Variants in NIPAL2 observed in about 807,000 individuals in gnomAD.
NIPAL2 encodes NIPA-like protein 2.
NIPAL2 carries 43 observed loss-of-function variants against 48.9 expected under a neutral mutation model. The observed-to-expected ratio is 0.88, with a 90% CI of 0.69 to 1.13. The LOEUF (loss-of-function observed/expected upper bound fraction) is 1.13. NIPAL2 is among the 50% of genes most tolerant of loss of function. The probability of loss-of-function intolerance (pLI) is 0.00; values close to 1 mark genes in which losing one functional copy is unlikely to be tolerated. For missense variants in NIPAL2, 446 were observed against 461.4 expected (o/e 0.97, Z 0.31); for synonymous variants, 167 against 174.6 (o/e 0.96, Z 0.34).
At chr8:98,214,313 G>A (rs1252632745) in intron 5 of NIPAL2, among the ~76,000 whole-genome samples, 2 of 151,922 alleles carry the variant, frequency 1.3e-5, no homozygotes, top group African/African-American at 2.4e-5. Context: ...ATGGGTGCCC[G>A]CCACCACGCC....
intron 6 of NIPAL2, among the ~76,000 whole-genome samples, chr8:98,209,445 C>CAAAAAAAAAAAAAA (rs33923448): frequency 7.1e-5 from 5 of 70,504 alleles, no homozygotes; most frequent in African/African-American, 3.1e-4. Context: ...CCTGTCTCTC[C>CAAAAAAAAAAAAAA]AAAAAAAAAA....
At chr8:98,194,680 T>G in intron 10 of NIPAL2, 48 bp downstream of exon 10, 1 of 1,014,622 alleles carries the variant, frequency 9.9e-7, no homozygotes. Flanking sequence ...CAATAACTAT[T>G]CATTTATAAG....
chr8:98,243,685 G>A (rs1197015564), intron 3 of NIPAL2, among the ~76,000 whole-genome samples: 4 of 152,158 alleles, frequency 2.6e-5, no homozygotes, highest in African/African-American at 9.7e-5. Flanking sequence ...CTTGGTTTGA[G>A]GTTCTTCTGT....
rs551349891 is a variant in NIPAL2 at position 98,221,259 on chromosome 8, A to G, written c.558+1220T>C. 2.1e-3 allele frequency among the ~76,000 whole-genome samples: 312 copies of G among 151,798 alleles called. 2 individuals are homozygous for G. Among genetic ancestry groups the G allele is most frequent in the African/African-American group, 4.5e-3 (188 of 41,470 alleles). On this transcript the variant is annotated intron_variant, in intron 5 of 10. Coordinates refer to ENST00000430223, the MANE Select transcript of NIPAL2 (RefSeq NM_001321635.2). ...CCAAAGTGCTGGGATTACGGGCGTG[A>G]GCCACCGTGCCCAGCCTCATTTCAT...
In NIPAL2 at chr8:98,259,069, C is replaced by CTTTTTT. The variant is rs1563531576; in HGVS notation, c.136-4983_136-4982insAAAAAA. On this transcript the variant is annotated intron_variant, in intron 1 of 10. Transcript: ENST00000430223. ...TTATGCTGCTGTTCCTTTAAATATT[C>CTTTTTT]CTTTTTTTTTTTTTTTTTTTTTTTT... 9.4e-3 allele frequency among the ~76,000 whole-genome samples: 834 copies of CTTTTTT among 89,170 alleles called. 47 individuals carry two copies. The highest frequency in any genetic ancestry group is 0.011 in the African/African-American group (232 of 21,748). 58.5% of individuals were successfully genotyped at this position (89,170 alleles called of 152,430 possible).
rs901993680 is a variant in NIPAL2, at chr8:98,246,785, G to C, written c.376+5678C>G. ...AGGCATAGAACTGAAAAATGTCACC[G>C]GTGCTTCCATCACATTCTATTTCTC... On this transcript the variant is annotated intron_variant, in intron 3 of 10. Coordinates refer to ENST00000430223, the MANE Select transcript of NIPAL2 (RefSeq NM_001321635.2). Among the ~76,000 whole-genome samples, 9 of 152,026 alleles carry C rather than the reference G, an allele frequency of 5.9e-5. No homozygotes were observed. The East Asian group carries it at 1.7e-3, about 29-fold the overall frequency.
intron 9 of NIPAL2, among the ~76,000 whole-genome samples, chr8:98,195,394 A>C (rs1810494047): frequency 1.3e-5 from 2 of 152,088 alleles, no homozygotes; most frequent in African/African-American, 2.4e-5. Flanking sequence ...GGAAGCTCCT[A>C]TACACTGGTG....
At chr8:98,228,863 C>T (rs906181220) in intron 4 of NIPAL2, among the ~76,000 whole-genome samples, 9 of 152,142 alleles carry the variant, frequency 5.9e-5, no homozygotes, top group Non-Finnish European at 1.2e-4. Context: ...TTTCTCAATG[C>T]CTAGCAAAGA....
At chr8:98,265,808 T>C (rs1814686399) in intron 1 of NIPAL2, among the ~76,000 whole-genome samples, 1 of 145,836 alleles carries the variant, frequency 6.9e-6, no homozygotes, top group African/African-American at 2.6e-5. Flanking sequence ...CTATAAATCA[T>C]GCTGCTATAA....
In NIPAL2 at chr8:98,252,412, C is replaced by T. The variant is rs774303395; in HGVS notation, c.376+51G>A. ...GTTGTTTCAGTTGTGTGTTTTTCTCCGATTATTCTGCTCTTTAAGTTTCTA... is the reference window on the plus strand; with the variant it reads ...GTTGTTTCAGTTGTGTGTTTTTCTCTGATTATTCTGCTCTTTAAGTTTCTA... On this transcript the variant is annotated intron_variant, in intron 3 of 10. Coordinates refer to ENST00000430223, the MANE Select transcript of NIPAL2 (RefSeq NM_001321635.2). 14 of 1,459,942 alleles carry T rather than the reference C, an allele frequency of 9.6e-6. No individual in the cohort carries two copies. In the South Asian group the frequency reaches 1.1e-4, roughly 11 times the overall value. 90.4% of individuals were successfully genotyped at this position (1,459,942 alleles called of 1,614,324 possible).
chr8:98,244,566 G>A (rs1302816400), intron 3 of NIPAL2, among the ~76,000 whole-genome samples: 1 of 73,086 alleles, frequency 1.4e-5, no homozygotes, highest in Non-Finnish European at 3.7e-5. Flanking sequence ...TGTGATAAGG[G>A]GGGTGCGCTG....
intron 10 of NIPAL2, chr8:98,193,417 T>C: frequency 6.2e-7 from 1 of 1,613,964 alleles, no homozygotes; most frequent in Non-Finnish European, 8.5e-7. Context: ...TTGTGTCTTC[T>C]TTTCCACGTC....
At chr8:98,220,247 C>T (rs1172607105) in intron 5 of NIPAL2, among the ~76,000 whole-genome samples, 1 of 152,064 alleles carries the variant, frequency 6.6e-6, no homozygotes, top group African/African-American at 2.4e-5. Context: ...AGCAAAATTT[C>T]CTCAGTAGAC....
At chr8:98,233,085 C>T (rs1812522392) in intron 4 of NIPAL2, among the ~76,000 whole-genome samples, 1 of 152,042 alleles carries the variant, frequency 6.6e-6, no homozygotes, top group Non-Finnish European at 1.5e-5. Context: ...TGGTGAAGCC[C>T]TGTCTCTACT....
In NIPAL2 at chr8:98,290,845, T is replaced by G. The variant is rs137958200; in HGVS notation, c.135+3158A>C. On this transcript the variant is annotated intron_variant, in intron 1 of 10. Transcript: ENST00000430223. ...GCTTTAAACATGAGATCCAGCTCAGTGATCATGCGGGGGAAAAGGCCCGGC... is the reference window on the plus strand; with the variant it reads ...GCTTTAAACATGAGATCCAGCTCAGGGATCATGCGGGGGAAAAGGCCCGGC... Among the ~76,000 whole-genome samples the G allele has an allele frequency of 5.8e-3, 884 of 152,254 alleles. 5 individuals are homozygous for G. The highest frequency in any genetic ancestry group is 8.9e-3 in the Non-Finnish European group (608 of 68,016).
chr8:98,246,865 C>T (rs1032014165), intron 3 of NIPAL2, among the ~76,000 whole-genome samples: 7 of 152,214 alleles, frequency 4.6e-5, no homozygotes, highest in East Asian at 1.9e-4. Context: ...ACTTCCTTGC[C>T]GCCCCATAGA....
chr8:98,247,527 G>A (rs1381450280), intron 3 of NIPAL2, among the ~76,000 whole-genome samples: 2 of 152,176 alleles, frequency 1.3e-5, no homozygotes, highest in African/African-American at 2.4e-5. Flanking sequence ...GGCACCACCC[G>A]CATCTCACAC....
chr8:98,203,243 A>G, intron 7 of NIPAL2, 47 bp from the exon 8 acceptor site: 1 of 1,320,424 alleles, frequency 7.6e-7, no homozygotes, highest in Non-Finnish European at 1.1e-6. Context: ...GGAGACATTC[A>G]GCAATAAGTT....
chr8:98,204,993 T>C, intron 7 of NIPAL2, 118 bp downstream of exon 7: 2 of 1,128,134 alleles, frequency 1.8e-6, no homozygotes, highest in Admixed American at 2.0e-5. Context: ...CTACAGGCCC[T>C]TCACCCTTAG....
Sources: gnomAD v4.1 joint callset for allele counts (sites outside exome capture counted in the v4.1 genomes callset) on GRCh38, gnomAD v4.1.1 for gene constraint, MANE v1.5 for transcripts, NCBI Gene and HGNC (gene_info 2026-07-23, HGNC 2026-07-21) for gene names.